Variants in CALN1 observed in about 807,000 individuals in gnomAD.
The protein encoded by CALN1 is calcium-binding protein 8.
Under a neutral mutation model 30.6 loss-of-function variants are expected in CALN1, and 17 were observed. The observed-to-expected ratio is 0.56, with a 90% CI of 0.38 to 0.83. The LOEUF (loss-of-function observed/expected upper bound fraction) is 0.83. CALN1 is among the 40% of genes least tolerant of loss of function. The pLI, the probability that CALN1 is intolerant of heterozygous loss-of-function variation, is 0.00. For missense variants in CALN1, 291 were observed against 354.9 expected, an observed-to-expected ratio of 0.82 and a Z score of 1.45; for synonymous variants, 156 against 131.4, an observed-to-expected ratio of 1.19 and a Z score of -1.28.
At chr7:72,345,319 GA>G (rs1318263970) in intron 2 of CALN1, among the ~76,000 whole-genome samples, 2 of 142,604 alleles carry the variant, frequency 1.4e-5, no homozygotes, top group Non-Finnish European at 1.5e-5. Context: ...AAAATAGCAA[GA>G]GAAGGAAAGA....
At chr7:72,161,868 T>C (rs1310459226) in intron 3 of CALN1, among the ~76,000 whole-genome samples, 1 of 151,972 alleles carries the variant, frequency 6.6e-6, no homozygotes, top group Non-Finnish European at 1.5e-5. Flanking sequence ...CATGCTCACC[T>C]ACGTAACAAA....
intron 3 of CALN1, among the ~76,000 whole-genome samples, chr7:72,148,110 A>C (rs1468095546): frequency 2.7e-5 from 4 of 150,580 alleles, no homozygotes; most frequent in African/African-American, 4.9e-5. Flanking sequence ...ATAAAAAAAA[A>C]AAACAACCAA....
intron 2 of CALN1, among the ~76,000 whole-genome samples, chr7:72,356,694 GTAT>G (rs1213932544): frequency 7.2e-5 from 11 of 152,060 alleles, no homozygotes; most frequent in South Asian, 2.1e-4. Context: ...TTATTATTGT[GTAT>G]TATTAGCTCA....
intron 4 of CALN1, among the ~76,000 whole-genome samples, chr7:72,092,530 A>G (rs565851435): frequency 1.2e-4 from 18 of 150,404 alleles, no homozygotes; most frequent in African/African-American, 4.4e-4. Context: ...AGGAATGTGT[A>G]GAGTCTCCCA....
intron 6 of CALN1, among the ~76,000 whole-genome samples, chr7:71,791,140 C>CA (rs1362972167): frequency 6.6e-6 from 1 of 152,110 alleles, no homozygotes; most frequent in Non-Finnish European, 1.5e-5. Flanking sequence ...GAAAGGGTCC[C>CA]AAGGGCTTGT....
chr7:72,251,073 T>C lies in CALN1; in HGVS notation c.244+27613A>G, dbSNP rs372039975. Among the ~76,000 whole-genome samples, 372 of 152,216 alleles carry C rather than the reference T, an allele frequency of 2.4e-3. 3 individuals are homozygous for C. Among genetic ancestry groups the C allele is most frequent in the Middle Eastern group, 0.017 (5 of 294 alleles). ...TCATCTTGGAGCTGAGGCTGCACCC[T>C]TTCAAGCTCAGAAAACTTCCAAGAT... On this transcript the variant is annotated intron_variant, in intron 3 of 6. Coordinates refer to ENST00000395275, the MANE Select transcript of CALN1 (RefSeq NM_031468.4).
At chr7:72,492,760 G>A in the CALN1 span, among the ~76,000 whole-genome samples, 1 of 152,170 alleles carries the variant, frequency 6.6e-6, no homozygotes, top group Non-Finnish European at 1.5e-5. Context: ...CAGCACCATG[G>A]CAACGATCAG....
chr7:71,912,159 G>A (rs73364112), intron 5 of CALN1, among the ~76,000 whole-genome samples: 10,985 of 152,084 alleles, frequency 0.072, 1,270 homozygotes, highest in African/African-American at 0.25. Flanking sequence ...CTTCTGTGTG[G>A]GATGAGAAGA....
chr7:72,240,606 A>T (rs1402515633), intron 3 of CALN1, among the ~76,000 whole-genome samples: 1 of 152,186 alleles, frequency 6.6e-6, no homozygotes, highest in Non-Finnish European at 1.5e-5. Flanking sequence ...GCTCCACATG[A>T]TTTGACTCTA....
chr7:72,233,892 T>C (rs1794283382), intron 3 of CALN1, among the ~76,000 whole-genome samples: 1 of 152,028 alleles, frequency 6.6e-6, no homozygotes, highest in Non-Finnish European at 1.5e-5. Flanking sequence ...TAGTCCCAGC[T>C]ACTCAGGAGG....
intron 2 of CALN1, among the ~76,000 whole-genome samples, chr7:72,314,253 C>G (rs1800260726): frequency 1.3e-5 from 2 of 152,042 alleles, no homozygotes; most frequent in Non-Finnish European, 2.9e-5. Context: ...CAGCACTTTC[C>G]CAGGGCAGCA....
intron 5 of CALN1, among the ~76,000 whole-genome samples, chr7:72,023,241 A>T (rs1800810624): frequency 6.6e-6 from 1 of 152,194 alleles, no homozygotes; most frequent in Non-Finnish European, 1.5e-5. Context: ...TTCTTAGACA[A>T]AACCATTCTC....
chr7:72,088,140 C>A (rs555751485), intron 4 of CALN1, among the ~76,000 whole-genome samples: 3 of 152,146 alleles, frequency 2.0e-5, no homozygotes, highest in Non-Finnish European at 4.4e-5. Flanking sequence ...TGCGCTCCAG[C>A]CTGGGACACA....
Position 72,056,999 on chromosome 7 carries a change from G to A in CALN1, c.389-33230C>T, listed in dbSNP as rs781366920. 1.3e-5 allele frequency among the ~76,000 whole-genome samples: 2 copies of A among 151,948 alleles called. 1 individual carries two copies. Among genetic ancestry groups the A allele is most frequent in the South Asian group, 4.2e-4 (2 of 4,812 alleles). Reference sequence around the variant, plus strand: ...TCTGTTGCTTAGGCCGGAGTGCAGCGGCATGATCATAGATCATTACAGCCT... The same window carrying A: ...TCTGTTGCTTAGGCCGGAGTGCAGCAGCATGATCATAGATCATTACAGCCT... On this transcript the variant is annotated intron_variant, in intron 4 of 6. Transcript: ENST00000395275.
intron 6 of CALN1, among the ~76,000 whole-genome samples, chr7:71,795,083 C>T (rs1786814088): frequency 6.6e-6 from 1 of 152,122 alleles, no homozygotes; most frequent in African/African-American, 2.4e-5. Context: ...AGTGCAGTGG[C>T]ACGATATTGG....
intron 5 of CALN1, among the ~76,000 whole-genome samples, chr7:71,893,256 A>G (rs1793348599): frequency 6.6e-6 from 1 of 152,130 alleles, no homozygotes; most frequent in African/African-American, 2.4e-5. Flanking sequence ...TTTAGTGGGT[A>G]GAGGCTATGG....
chr7:72,197,229 G>A (rs1472271706), intron 3 of CALN1, among the ~76,000 whole-genome samples: 1 of 110,838 alleles, frequency 9.0e-6, no homozygotes, highest in African/African-American at 3.5e-5. Flanking sequence ...CTGTCACCCA[G>A]ACTGGAGTGC....
Position 72,205,574 on chromosome 7 carries a change from A to ATATATATATACATATATATATACG in CALN1, c.244+73111_244+73112insCGTATATATATATGTATATATATA, listed in dbSNP as rs1562733861. On this transcript the variant is annotated intron_variant, in intron 3 of 6. Transcript: ENST00000395275. ...AAAATATATATATATATATGTATATATATATATATATATTCAGGAGAAACA... is the reference window on the plus strand; with the variant it reads ...AAAATATATATATATATATGTATATATATATATATACATATATATATACGTATATATATATATTCAGGAGAAACA... Among the ~76,000 whole-genome samples the ATATATATATACATATATATATACG allele has an allele frequency of 2.5e-4, 31 of 123,738 alleles. 2 individuals carry two copies. The highest frequency in any genetic ancestry group is 1.1e-3 in the African/African-American group (31 of 27,860). 81.2% of individuals were successfully genotyped at this position (123,738 alleles called of 152,430 possible).
chr7:71,890,703 G>A (rs1285850139), intron 5 of CALN1, among the ~76,000 whole-genome samples: 1 of 143,608 alleles, frequency 7.0e-6, no homozygotes, highest in Non-Finnish European at 1.5e-5. Flanking sequence ...ATGCACCTAT[G>A]TTTTAACATT....
Sources: gnomAD v4.1 joint callset for allele counts (sites outside exome capture counted in the v4.1 genomes callset) on GRCh38, gnomAD v4.1.1 for gene constraint, MANE v1.5 for transcripts, NCBI Gene and HGNC (gene_info 2026-07-23, HGNC 2026-07-21) for gene names.